BRAF: variants seen among roughly 807,000 people sequenced by gnomAD.
The protein encoded by BRAF is serine/threonine-protein kinase B-raf.
In BRAF, 16 loss-of-function variants were observed where a neutral mutation model predicts 104.6. The ratio of observed to expected loss-of-function variants is 0.15; its 90% CI spans 0.10 to 0.23. The LOEUF is 0.23. BRAF is among the 10% of genes least tolerant of loss of function. The pLI, the probability that BRAF is intolerant of heterozygous loss-of-function variation, is 1.00. For synonymous variants in BRAF, 310 were observed against 341.6 expected, an observed-to-expected ratio of 0.91 and a Z score of 1.02; for missense variants, 541 against 937.3, an observed-to-expected ratio of 0.58 and a Z score of 5.52.
At chr7:140,792,308 A>T (rs986244049) in intron 8 of BRAF, among the ~76,000 whole-genome samples, 1 of 152,154 alleles carries the variant, frequency 6.6e-6, no homozygotes, top group African/African-American at 2.4e-5. Context: ...ATTTTTCTAA[A>T]ATATAGAGCT....
chr7:140,883,302 T>TA (rs1813157341), intron 1 of BRAF, among the ~76,000 whole-genome samples: 1 of 152,188 alleles, frequency 6.6e-6, no homozygotes, highest in African/African-American at 2.4e-5. Context: ...ACACCACATG[T>TA]TCTCCCCACA....
chr7:140,777,037 T>C lies in BRAF; in HGVS notation c.1689A>G (p.Pro563=), dbSNP rs759843625. The C allele has an allele frequency of 8.1e-6, 13 of 1,613,966 alleles. 1 individual carries two copies. The Middle Eastern group carries it at 4.9e-4, about 61-fold the overall frequency. ...ACCACTGGGTAACAATAGCCAGTTG[T>C]GGCTTTGTGGAATAGCCCATGAAGA... is the stretch of plus-strand genomic sequence containing the variant. The part of the protein sequence containing the change: ...ILLFMGYSTK[P]QLAIVTQWCE... Residue 563 remains proline, a synonymous_variant, in exon 14 of 20, where the codon CCA becomes CCG. Coordinates refer to ENST00000644969, the MANE Select transcript of BRAF (RefSeq NM_001374258.1).
intron 16 of BRAF, 25 bp from the exon 16 acceptor site, chr7:140,749,443 A>C (rs1275900657): frequency 6.2e-7 from 1 of 1,610,870 alleles, no homozygotes; most frequent in South Asian, 1.1e-5. Context: ...AAAGAAAAAT[A>C]TTCTTCACTT....
At chr7:140,805,633 T>C (rs149387679) in intron 5 of BRAF, among the ~76,000 whole-genome samples, 11 of 152,234 alleles carry the variant, frequency 7.2e-5, no homozygotes, top group Non-Finnish European at 1.3e-4. Context: ...CATGCATTAA[T>C]TTGTAAGGTG....
intron 1 of BRAF, among the ~76,000 whole-genome samples, chr7:140,923,193 G>GAA (rs1818410634): frequency 7.1e-6 from 1 of 140,798 alleles, no homozygotes; most frequent in African/African-American, 3.1e-5. Context: ...AGATGATGAT[G>GAA]CAAAAAAAAA....
At chr7:140,728,251 G>C (rs1017371992) in intron 19 of BRAF, among the ~76,000 whole-genome samples, 11 of 152,154 alleles carry the variant, frequency 7.2e-5, no homozygotes, top group Non-Finnish European at 1.6e-4. Context: ...CCAGGGTTTA[G>C]AGTGGTCAAG....
In BRAF at chr7:140,721,307, T is replaced by A. The variant is rs1196223608; in HGVS notation, c.*5187A>T. 2.1e-5 allele frequency: 24 copies of A among 1,160,464 alleles called. No homozygotes were observed. The highest frequency in any genetic ancestry group is 4.6e-5 in the Admixed American group (1 of 21,608). 71.9% of individuals were successfully genotyped at this position (1,160,464 alleles called of 1,614,324 possible). A position where few individuals can be genotyped will look rare whatever the true frequency, so the allele number is the denominator to read the frequency against. ...AATTGCCCCATGCATTTTTTTTTTT[T>A]AAAGCACTGTTACCTTAATTTAAGA... On this transcript the variant is annotated 3_prime_UTR_variant, in exon 20 of 20. Coordinates refer to ENST00000644969, the MANE Select transcript of BRAF (RefSeq NM_001374258.1).
chr7:140,771,807 G>C (rs1784781210), intron 14 of BRAF, among the ~76,000 whole-genome samples: 1 of 152,288 alleles, frequency 6.6e-6, no homozygotes, highest in South Asian at 2.1e-4. Flanking sequence ...GAGTTGAAAG[G>C]AGGCACAGTA....
chr7:140,878,049 C>T (rs1336189447), intron 1 of BRAF, among the ~76,000 whole-genome samples: 1 of 151,860 alleles, frequency 6.6e-6, no homozygotes, highest in Admixed American at 6.6e-5. Context: ...TACACTAATA[C>T]AAAAGACTGT....
At chr7:140,923,411 T>C (rs571865351) in intron 1 of BRAF, among the ~76,000 whole-genome samples, 14 of 152,248 alleles carry the variant, frequency 9.2e-5, no homozygotes, top group African/African-American at 2.9e-4. Flanking sequence ...ATAAATTTTA[T>C]GTAATAAAAA....
chr7:140,809,086 A>G (rs1348295713), intron 3 of BRAF, 91 bp from the exon 4 acceptor site: 3 of 993,782 alleles, frequency 3.0e-6, no homozygotes, highest in Non-Finnish European at 3.1e-6. Context: ...CATCTTTAAA[A>G]AGTCAAATGG....
downstream of BRAF, among the ~76,000 whole-genome samples, chr7:140,715,173 G>C (rs1795107982): frequency 6.6e-6 from 1 of 152,160 alleles, no homozygotes; most frequent in Non-Finnish European, 1.5e-5. Flanking sequence ...GTCCCACTTT[G>C]GTTCTCTTTG....
At chr7:140,820,840 G>C (rs1805399268) in intron 3 of BRAF, among the ~76,000 whole-genome samples, 1 of 152,134 alleles carries the variant, frequency 6.6e-6, no homozygotes, top group Admixed American at 6.5e-5. Flanking sequence ...GGGTGAGATG[G>C]GAGGATCACC....
chr7:140,819,983 T>C (rs1805303624), intron 3 of BRAF, among the ~76,000 whole-genome samples: 1 of 152,208 alleles, frequency 6.6e-6, no homozygotes, highest in South Asian at 2.1e-4. Flanking sequence ...TATATCTCAA[T>C]AAACCATCAA....
chr7:140,809,044 T>C (rs1329274531), intron 3 of BRAF, 49 bp from the exon 4 acceptor site: 1 of 1,459,822 alleles, frequency 6.9e-7, no homozygotes, highest in Non-Finnish European at 9.6e-7. Flanking sequence ...GCAAATTACA[T>C]TTTTTCATAT....
At position 140,787,421 on chromosome 7, in the gene BRAF, A is replaced by C; in HGVS notation, c.1177+127T>G. The C allele has an allele frequency of 2.2e-6, 2 of 905,734 alleles. 1 individual carries two copies. The highest frequency in any genetic ancestry group is 3.2e-5 in the South Asian group (2 of 63,254). 56.1% of individuals were successfully genotyped at this position (905,734 alleles called of 1,614,324 possible). A position where few individuals can be genotyped will look rare whatever the true frequency, so the allele number is the denominator to read the frequency against. ...GACAAACACTACAGAAAAACAAAAA[A>C]ATTTTGGGTTTCTCTACACATTTTT... is the stretch of plus-strand genomic sequence containing the variant. On this transcript the variant is annotated intron_variant, in intron 9 of 19. Transcript: ENST00000644969.
intron 2 of BRAF, among the ~76,000 whole-genome samples, chr7:140,839,124 A>G (rs1412438050): frequency 6.6e-6 from 1 of 152,140 alleles, no homozygotes; most frequent in Non-Finnish European, 1.5e-5. Context: ...GGTACAACTG[A>G]ATATCCACAC....
chr7:140,775,039 G>A (rs766405456), intron 14 of BRAF, among the ~76,000 whole-genome samples: 8 of 152,136 alleles, frequency 5.3e-5, no homozygotes, highest in Admixed American at 2.0e-4. Flanking sequence ...AAGTCAGATG[G>A]AGCTATGCGT....
At chr7:140,898,802 T>C (rs1186433617) in intron 1 of BRAF, among the ~76,000 whole-genome samples, 1 of 152,232 alleles carries the variant, frequency 6.6e-6, no homozygotes, top group African/African-American at 2.4e-5. Context: ...TTCTAGTACC[T>C]ATATTTGTAT....
Sources: gnomAD v4.1 joint callset for allele counts (sites outside exome capture counted in the v4.1 genomes callset) on GRCh38, gnomAD v4.1.1 for gene constraint, MANE v1.5 for transcripts, NCBI Gene and HGNC (gene_info 2026-07-23, HGNC 2026-07-21) for gene names.